The following AGL variants were observed in gnomAD, a reference collection of about 807,000 sequenced individuals.
AGL encodes glycogen debranching enzyme.
In AGL, 128 loss-of-function variants were observed where a neutral mutation model predicts 199.3. The observed-to-expected ratio is 0.64, with a 90% CI of 0.56 to 0.74. The LOEUF (loss-of-function observed/expected upper bound fraction) is 0.74. AGL is among the 30% of genes least tolerant of loss of function. The pLI is 0.00. For missense variants in AGL, 1,809 were observed against 1,820.8 expected (o/e 0.99, Z 0.12); for synonymous variants, 584 against 594.7 (o/e 0.98, Z 0.26).
chr1:99,919,562 G>C (rs1655372998), intron 33 of AGL, among the ~76,000 whole-genome samples: 1 of 152,034 alleles, frequency 6.6e-6, no homozygotes, highest in Non-Finnish European at 1.5e-5. Flanking sequence ...ATAGGGCTAG[G>C]GAATATATAA....
chr1:99,862,063 T>C (rs906309720), intron 3 of AGL, among the ~76,000 whole-genome samples, 194 bp from the exon 4 acceptor site: 2 of 152,210 alleles, frequency 1.3e-5, no homozygotes, highest in Non-Finnish European at 2.9e-5. Context: ...ATACATGTAA[T>C]TATGTAGATT....
intron 2 of AGL, among the ~76,000 whole-genome samples, chr1:99,856,761 G>A (rs1015784088): frequency 2.1e-4 from 32 of 152,270 alleles, no homozygotes; most frequent in African/African-American, 7.2e-4. Context: ...AGGGTTGGGG[G>A]TAAGGTCATA....
intron 3 of AGL, 45 bp downstream of exon 3, chr1:99,861,758 T>A: frequency 6.2e-7 from 1 of 1,601,072 alleles, no homozygotes; most frequent in Non-Finnish European, 8.5e-7. Flanking sequence ...TAATTTGTTC[T>A]GTAATTTGAA....
At chr1:99,907,001 C>T (rs1654336390) in intron 27 of AGL, among the ~76,000 whole-genome samples, 1 of 152,170 alleles carries the variant, frequency 6.6e-6, no homozygotes, top group African/African-American at 2.4e-5. Context: ...TCAAATTTCT[C>T]TGCAACTTTG....
At chr1:99,885,994 G>A (rs1570454261) in intron 20 of AGL, among the ~76,000 whole-genome samples, 1 of 152,042 alleles carries the variant, frequency 6.6e-6, no homozygotes, top group African/African-American at 2.4e-5. Context: ...ATATATTTGA[G>A]GCTGTTAATA....
Position 99,902,625 on chromosome 1 carries a change from G to T in AGL, c.3589-58G>T, listed in dbSNP as rs1193381920. 5 of 1,349,030 alleles carry T rather than the reference G, an allele frequency of 3.7e-6. No homozygotes were observed. The East Asian group carries it at 9.3e-5, about 25-fold the overall frequency. The allele number at this position is 1,349,030 out of a possible 1,614,324, so 83.6% of individuals were successfully genotyped here. A position where few individuals can be genotyped will look rare whatever the true frequency, so the allele number is the denominator to read the frequency against. On this transcript the variant is annotated intron_variant, in intron 26 of 33. Coordinates refer to ENST00000361915, the MANE Select transcript of AGL (RefSeq NM_000642.3). ...ACATTACTTCAGTTGTCGGATTTGG[G>T]GGAAAATAAGAAAAATGTAATTTCT...
At chr1:99,888,624 G>C (rs994354308) in intron 21 of AGL, among the ~76,000 whole-genome samples, 1 of 151,976 alleles carries the variant, frequency 6.6e-6, no homozygotes, top group African/African-American at 2.4e-5. Flanking sequence ...ATCCTGTAAA[G>C]AGAACTTACA....
intron 2 of AGL, among the ~76,000 whole-genome samples, chr1:99,855,766 A>G (rs1001238507): frequency 6.6e-5 from 10 of 151,870 alleles, no homozygotes; most frequent in African/African-American, 2.4e-4. Flanking sequence ...ACACCACTGT[A>G]CTCCAGCCTG....
rs1475146668 is a variant in AGL, at chr1:99,881,740, TA to T, written c.2308+52del. On this transcript the variant is annotated intron_variant, in intron 17 of 33. Coordinates refer to ENST00000361915, the MANE Select transcript of AGL (RefSeq NM_000642.3). ...CTGTATTTGTATTATATTATTATAT[TA>T]AATTATACTGTAATGTTATGGTTAT... is the stretch of plus-strand genomic sequence containing the variant. The T allele has an allele frequency of 2.8e-6, 4 of 1,419,946 alleles. No individual in the cohort carries two copies. In the African/African-American group the frequency reaches 4.3e-5, roughly 15 times the overall value. 88.0% of individuals were successfully genotyped at this position (1,419,946 alleles called of 1,614,324 possible). A position where few individuals can be genotyped will look rare whatever the true frequency, so the allele number is the denominator to read the frequency against.
At chr1:99,914,712 G>C (rs986851776) in intron 30 of AGL, among the ~76,000 whole-genome samples, 1 of 152,132 alleles carries the variant, frequency 6.6e-6, no homozygotes, top group Admixed American at 6.6e-5. Flanking sequence ...GGCCCCAGAA[G>C]CAAACAATGG....
intron 5 of AGL, among the ~76,000 whole-genome samples, chr1:99,867,240 C>T (rs1178719416): frequency 3.9e-5 from 6 of 152,212 alleles, no homozygotes; most frequent in African/African-American, 1.4e-4. Flanking sequence ...TTAAGACAAT[C>T]ACTTAAATCC....
intron 27 of AGL, among the ~76,000 whole-genome samples, chr1:99,904,117 G>A (rs1484996535): frequency 6.6e-6 from 1 of 151,996 alleles, no homozygotes; most frequent in Non-Finnish European, 1.5e-5. Context: ...TTTGTAGAAA[G>A]GTTTATTTGT....
At chr1:99,854,909 G>A (rs1649290668) in intron 2 of AGL, among the ~76,000 whole-genome samples, 1 of 151,964 alleles carries the variant, frequency 6.6e-6, no homozygotes, top group Admixed American at 6.5e-5. Context: ...AGTTGAAAAA[G>A]AGAGGACAAG....
At chr1:99,849,527 G>C (rs1333803265), upstream of AGL, among the ~76,000 whole-genome samples, 4 of 151,998 alleles carry the variant, frequency 2.6e-5, no homozygotes, top group Admixed American at 2.6e-4. Context: ...TGTACATGAG[G>C]TACACCCGGA....
chr1:99,892,664 A>C (rs1398648416), intron 24 of AGL, 57 bp downstream of exon 24: 24 of 1,531,980 alleles, frequency 1.6e-5, no homozygotes, highest in Non-Finnish European at 2.2e-5. Flanking sequence ...GCGGAAGAAA[A>C]GTTATAGGAA....
chr1:99,898,916 T>C (rs1222855488), intron 25 of AGL, among the ~76,000 whole-genome samples: 1 of 152,184 alleles, frequency 6.6e-6, no homozygotes, highest in Non-Finnish European at 1.5e-5. Context: ...GAAGTCGTTT[T>C]ATTAAAATGT....
chr1:99,905,518 G>T (rs545045), intron 27 of AGL, among the ~76,000 whole-genome samples: 93,304 of 151,952 alleles, frequency 0.61, 28,880 homozygotes, highest in Non-Finnish European at 0.66. Context: ...TGTGCTCATT[G>T]GCCATCCATC....
At chr1:99,876,091 T>C (rs1570435168) in intron 10 of AGL, among the ~76,000 whole-genome samples, 1 of 152,074 alleles carries the variant, frequency 6.6e-6, no homozygotes, top group Non-Finnish European at 1.5e-5. Context: ...GCCAGGCTGG[T>C]CTCAAACTCC....
chr1:99,912,481 A>G lies in AGL; in HGVS notation c.3913A>G (p.Ile1305Val), dbSNP rs1264514559. Reference sequence around the variant, plus strand: ...GTTGCTGGAATTATCCAAAAAAAATATTTTCCCTTATCATGAAGTCACAGT... The same window carrying G: ...GTTGCTGGAATTATCCAAAAAAAATGTTTTCCCTTATCATGAAGTCACAGT... ...RWLLELSKKN[I>V]FPYHEVTVKR... The change falls in exon 29 of 34, where the codon ATT becomes GTT. Residue 1305 changes from isoleucine (I) to valine (V), a missense_variant. Transcript: ENST00000361915. 54 of 1,613,724 alleles carry G rather than the reference A, an allele frequency of 3.3e-5. No individual in the cohort carries two copies. The highest frequency in any genetic ancestry group is 4.4e-5 in the Non-Finnish European group (52 of 1,179,908).
Sources: gnomAD v4.1 joint callset for allele counts (sites outside exome capture counted in the v4.1 genomes callset) on GRCh38, gnomAD v4.1.1 for gene constraint, MANE v1.5 for transcripts, NCBI Gene and HGNC (gene_info 2026-07-23, HGNC 2026-07-21) for gene names.